The following EHMT1 variants were observed in gnomAD, a reference collection of about 807,000 sequenced individuals.
EHMT1 encodes the protein histone-lysine N-methyltransferase EHMT1.
Under a neutral mutation model 147.2 loss-of-function variants are expected in EHMT1, and 15 were observed. That is an observed-to-expected ratio of 0.10 (90% confidence interval 0.07 to 0.16). EHMT1 has a LOEUF of 0.16. EHMT1 is among the 10% of genes least tolerant of loss of function. The pLI, the probability that EHMT1 is intolerant of heterozygous loss-of-function variation, is 1.00. For synonymous variants in EHMT1, 795 were observed against 709.6 expected, an observed-to-expected ratio of 1.12 and a Z score of -1.91; for missense variants, 1,587 against 1,772.4, an observed-to-expected ratio of 0.90 and a Z score of 1.88.
At chr9:137,797,290 C>T (rs1453489666) in intron 16 of EHMT1, among the ~76,000 whole-genome samples, 2 of 152,128 alleles carry the variant, frequency 1.3e-5, no homozygotes, top group East Asian at 1.9e-4. Context: ...GCCACCTTCA[C>T]GTCTATTCCC....
intron 2 of EHMT1, among the ~76,000 whole-genome samples, chr9:137,711,683 C>T (rs779748157): frequency 5.3e-5 from 8 of 152,034 alleles, no homozygotes; most frequent in East Asian, 3.9e-4. Context: ...TAAGGCGTGG[C>T]GCACACATAG....
rs1950973843 is a variant in EHMT1 at position 137,776,526 on chromosome 9, T to C, written c.1792-92T>C. The C allele has an allele frequency of 3.2e-5, 42 of 1,308,266 alleles. No individual in the cohort carries two copies. Among genetic ancestry groups the C allele is most frequent in the Non-Finnish European group, 4.3e-5 (40 of 925,736 alleles). 81.0% of individuals were successfully genotyped at this position (1,308,266 alleles called of 1,614,324 possible). A position where few individuals can be genotyped will look rare whatever the true frequency, so the allele number is the denominator to read the frequency against. ...ATGGCTCACTCTGCAGACCGCCCGATGTGGGATGCGGTGCCAGTTTAGTAG... is the reference window on the plus strand; with the variant it reads ...ATGGCTCACTCTGCAGACCGCCCGACGTGGGATGCGGTGCCAGTTTAGTAG... On this transcript the variant is annotated intron_variant, in intron 11 of 26. Transcript: ENST00000460843. This position sits in a 1 kb window ranked among gnomAD's most constrained non-coding sequence, Gnocchi z 4.4.
intron 1 of EHMT1, among the ~76,000 whole-genome samples, chr9:137,670,705 C>T (rs571618529): frequency 1.3e-5 from 2 of 152,210 alleles, no homozygotes; most frequent in Admixed American, 1.3e-4. Context: ...GAGGCCCTGC[C>T]CCTCCTGGCT....
At chr9:137,715,361 A>G (rs1012896530) in intron 2 of EHMT1, among the ~76,000 whole-genome samples, 5 of 152,236 alleles carry the variant, frequency 3.3e-5, no homozygotes, top group African/African-American at 1.2e-4. Flanking sequence ...GTTTATTCAG[A>G]ACACACACAT....
chr9:137,726,985 C>T (rs1946693061), intron 3 of EHMT1, among the ~76,000 whole-genome samples: 1 of 152,158 alleles, frequency 6.6e-6, no homozygotes, highest in African/African-American at 2.4e-5. Flanking sequence ...TGTTCAGGTC[C>T]TTTGCCCATT....
chr9:137,679,993 CAGTG>C (rs1941780916), intron 1 of EHMT1, among the ~76,000 whole-genome samples: 2 of 152,200 alleles, frequency 1.3e-5, no homozygotes, highest in Admixed American at 1.3e-4. Flanking sequence ...CTCAGTGTCT[CAGTG>C]AGTGTTTGAT....
intron 1 of EHMT1, among the ~76,000 whole-genome samples, chr9:137,639,541 A>G (rs1332396843): frequency 6.6e-6 from 1 of 152,034 alleles, no homozygotes; most frequent in African/African-American, 2.4e-5. Context: ...GTGTTTTGAC[A>G]CTTCTCTCAT....
intron 4 of EHMT1, among the ~76,000 whole-genome samples, chr9:137,742,718 T>C (rs963523720): frequency 2.0e-5 from 3 of 152,164 alleles, no homozygotes; most frequent in Non-Finnish European, 2.9e-5. Flanking sequence ...CTCTTATCTT[T>C]TAATAGAGAG....
chr9:137,728,544 G>A lies in EHMT1; in HGVS notation c.823+15G>A. On this transcript the variant is annotated intron_variant, in intron 4 of 26. Coordinates refer to ENST00000460843, the MANE Select transcript of EHMT1 (RefSeq NM_024757.5). ...ATCACAGACAGGTAAAGAGGACCCG[G>A]CAACTGTCTCTGCTCTTTGAATGTA... 2 of 1,613,988 alleles carry A rather than the reference G, an allele frequency of 1.2e-6. No homozygotes were observed. Among genetic ancestry groups the A allele is most frequent in the Admixed American group, 1.7e-5 (1 of 60,014 alleles).
At position 137,731,749 on chromosome 9, in the gene EHMT1, C is replaced by T. The variant is rs1203450695; in HGVS notation, c.823+3220C>T. 6.6e-6 allele frequency among the ~76,000 whole-genome samples: 1 copy of T among 152,108 alleles called. No individual in the cohort carries two copies. The highest frequency in any genetic ancestry group is 1.5e-5 in the Non-Finnish European group (1 of 68,002). On this transcript the variant is annotated intron_variant, in intron 4 of 26. Transcript: ENST00000460843. This position sits in a 1 kb window ranked among gnomAD's most constrained non-coding sequence, Gnocchi z 4.3. ...TGGCTCATGCTACCGGCCCAGATCC[C>T]ACACCTTCCGAGGGCAAGCCAGGAG...
chr9:137,681,974 G>A (rs1941988964), intron 1 of EHMT1, among the ~76,000 whole-genome samples: 1 of 151,872 alleles, frequency 6.6e-6, no homozygotes, highest in African/African-American at 2.4e-5. Flanking sequence ...TTTTTTTGAG[G>A]CAGTCTCGCT....
chr9:137,803,678 G>T (rs1302467136), intron 18 of EHMT1, among the ~76,000 whole-genome samples: 2 of 151,926 alleles, frequency 1.3e-5, no homozygotes, highest in African/African-American at 4.8e-5. Context: ...AGGTGTCTAG[G>T]CTTAACATTT....
chr9:137,638,753 G>A (rs1844267864), intron 1 of EHMT1, among the ~76,000 whole-genome samples: 1 of 149,244 alleles, frequency 6.7e-6, no homozygotes, highest in Admixed American at 6.8e-5. Context: ...AAAAAAAAAA[G>A]GATGCCTTGT....
At chr9:137,743,300 C>G (rs1301644506) in intron 4 of EHMT1, 71 bp from the exon 5 acceptor site, 3 of 1,518,168 alleles carry the variant, frequency 2.0e-6, no homozygotes, top group East Asian at 4.9e-5. Flanking sequence ...CTGTCTCTTA[C>G]CTTTGAAAAA....
intron 1 of EHMT1, among the ~76,000 whole-genome samples, chr9:137,666,564 C>T (rs1025883069): frequency 1.3e-5 from 2 of 152,218 alleles, no homozygotes; most frequent in Non-Finnish European, 2.9e-5. Context: ...CTGGCCGTGC[C>T]ACGGTGCAGC....
rs567768974 is a variant in EHMT1, at chr9:137,766,272, C to G, written c.1647+3452C>G. 2.6e-5 allele frequency among the ~76,000 whole-genome samples: 4 copies of G among 152,252 alleles called. No homozygotes were observed. The South Asian group carries it at 8.3e-4, about 32-fold the overall frequency. ...ATTCATTGGAGGTTTCAAAATGGTG[C>G]TGATTTTATCATTTATTATTCATTG... On this transcript the variant is annotated intron_variant, in intron 10 of 26. Transcript: ENST00000460843.
At position 137,828,838 on chromosome 9, in the gene EHMT1, C is replaced by T. The variant is rs546466099; in HGVS notation, c.3541-5511C>T. Among the ~76,000 whole-genome samples the T allele has an allele frequency of 3.9e-5, 6 of 152,282 alleles. No individual in the cohort carries two copies. The South Asian group carries it at 1.2e-3, about 32-fold the overall frequency. On this transcript the variant is annotated intron_variant, in intron 25 of 26. Transcript: ENST00000460843. The surrounding 1 kb of genome is among the most constrained non-coding windows in gnomAD (Gnocchi z 5.3). ...TTGGTGGCTCTGAGCAGTGCCAGTT[C>T]AGCACCTTGGAGAGCTGCCGCCTCT...
chr9:137,827,906 T>C (rs560638124), intron 25 of EHMT1, among the ~76,000 whole-genome samples: 1 of 152,108 alleles, frequency 6.6e-6, no homozygotes, highest in African/African-American at 2.4e-5. Flanking sequence ...GGAGGGTACA[T>C]TTAAAGCCCT....
intron 1 of EHMT1, among the ~76,000 whole-genome samples, chr9:137,619,681 A>C (rs950973170): frequency 6.6e-6 from 1 of 152,026 alleles, no homozygotes; most frequent in Admixed American, 6.5e-5. Context: ...GTTTATTTCC[A>C]AACCAGCAGC....
Sources: gnomAD v4.1 joint callset for allele counts (sites outside exome capture counted in the v4.1 genomes callset) on GRCh38, gnomAD v4.1.1 for gene constraint, Gnocchi (gnomAD v3.1) non-coding constraint, MANE v1.5 for transcripts, NCBI Gene and HGNC (gene_info 2026-07-23, HGNC 2026-07-21) for gene names.